Variants in XKR9 observed in about 807,000 individuals in gnomAD.
XKR9 encodes XK related 9.
A neutral mutation model predicts 32.0 loss-of-function variants in XKR9; 32 were observed. The ratio of observed to expected loss-of-function variants is 1.00; its 90% CI spans 0.76 to 1.34. XKR9 has a LOEUF of 1.34. XKR9 is among the 40% of genes most tolerant of loss of function. The probability of loss-of-function intolerance (pLI) is 0.00; values close to 1 mark genes in which losing one functional copy is unlikely to be tolerated. For missense variants in XKR9, 546 were observed against 429.7 expected, an observed-to-expected ratio of 1.27 and a Z score of -2.39; for synonymous variants, 168 against 143.4, an observed-to-expected ratio of 1.17 and a Z score of -1.22.
chr8:70,728,069 C>T (rs1178669775), intron 4 of XKR9, among the ~76,000 whole-genome samples: 2 of 152,022 alleles, frequency 1.3e-5, no homozygotes, highest in Non-Finnish European at 2.9e-5. Flanking sequence ...TTGGGAAAGG[C>T]CTGTTATCTT....
the XKR9 span, among the ~76,000 whole-genome samples, chr8:70,978,342 G>T: frequency 6.6e-6 from 1 of 152,128 alleles, no homozygotes; most frequent in African/African-American, 2.4e-5. Context: ...ATGGTCTTTA[G>T]AATTTGGCAT....
the XKR9 span, among the ~76,000 whole-genome samples, chr8:71,053,357 G>T: frequency 6.6e-6 from 1 of 152,188 alleles, no homozygotes; most frequent in African/African-American, 2.4e-5. Flanking sequence ...TCAGAAGGCT[G>T]CACAGGCCCT....
At chr8:70,857,345 C>A in the XKR9 span, among the ~76,000 whole-genome samples, 1 of 152,150 alleles carries the variant, frequency 6.6e-6, no homozygotes, top group Non-Finnish European at 1.5e-5. Flanking sequence ...ACTATAAACA[C>A]CTCTATGCAA....
chr8:70,740,979 A>G (rs1304001587), intron 2 of XKR9, among the ~76,000 whole-genome samples: 1 of 152,188 alleles, frequency 6.6e-6, no homozygotes, highest in African/African-American at 2.4e-5. Context: ...GGCTGGGAGA[A>G]CCACTGCTCT....
At chr8:70,852,817 G>C in the XKR9 span, among the ~76,000 whole-genome samples, 1 of 152,076 alleles carries the variant, frequency 6.6e-6, no homozygotes, top group African/African-American at 2.4e-5. Context: ...GTGGGAACAG[G>C]GAGGGGAAGA....
chr8:70,849,693 A>C, the XKR9 span, among the ~76,000 whole-genome samples: 1 of 152,190 alleles, frequency 6.6e-6, no homozygotes, highest in East Asian at 1.9e-4. Context: ...GGTTTCTTGA[A>C]AAGACTGACA....
intron 1 of XKR9, chr8:70,670,602 T>C (rs993421781): frequency 6.6e-6 from 1 of 152,098 alleles, no homozygotes; most frequent in Non-Finnish European, 1.5e-5. Context: ...AACGATCTGC[T>C]CTTACCTATT....
the XKR9 span, among the ~76,000 whole-genome samples, chr8:70,880,990 T>C: frequency 3.3e-5 from 5 of 152,304 alleles, no homozygotes; most frequent in South Asian, 2.1e-4. Context: ...ATCTGATCTT[T>C]GACAAACCTG....
chr8:70,976,722 G>A, the XKR9 span, among the ~76,000 whole-genome samples: 2 of 152,110 alleles, frequency 1.3e-5, no homozygotes, highest in African/African-American at 2.4e-5. Flanking sequence ...TCAGGATGAT[G>A]CTGGCCCCAT....
intron 2 of XKR9, among the ~76,000 whole-genome samples, chr8:70,745,657 T>C (rs1052561263): frequency 1.3e-5 from 2 of 152,238 alleles, no homozygotes; most frequent in Admixed American, 1.3e-4. Context: ...CCGTTGACTT[T>C]TGAAGGCTAT....
At chr8:71,037,089 T>A in the XKR9 span, among the ~76,000 whole-genome samples, 1 of 152,168 alleles carries the variant, frequency 6.6e-6, no homozygotes, top group African/African-American at 2.4e-5. Context: ...TCTTGTCAGG[T>A]GAGTTACCAG....
chr8:70,714,859 G>T (rs1039815607), intron 4 of XKR9, among the ~76,000 whole-genome samples: 5 of 151,960 alleles, frequency 3.3e-5, no homozygotes, highest in Non-Finnish European at 5.9e-5. Context: ...AATAAGTAAA[G>T]AATTAATAAG....
At chr8:71,035,131 A>G in the XKR9 span, among the ~76,000 whole-genome samples, 27 of 152,226 alleles carry the variant, frequency 1.8e-4, no homozygotes, top group African/African-American at 7.2e-5. Flanking sequence ...TGATATGAAT[A>G]TATTGAAACA....
At chr8:70,934,221 A>G in the XKR9 span, among the ~76,000 whole-genome samples, 1 of 152,036 alleles carries the variant, frequency 6.6e-6, no homozygotes, top group East Asian at 1.9e-4. Flanking sequence ...GTTGAAATGG[A>G]ATGCCAGGAA....
the XKR9 span, among the ~76,000 whole-genome samples, chr8:70,983,339 C>T: frequency 2.6e-5 from 4 of 152,074 alleles, no homozygotes; most frequent in Admixed American, 6.6e-5. Flanking sequence ...CATTCATAAC[C>T]GTCTGAACTT....
chr8:70,824,784 A>G, the XKR9 span, among the ~76,000 whole-genome samples: 1 of 151,978 alleles, frequency 6.6e-6, no homozygotes, highest in Non-Finnish European at 1.5e-5. Flanking sequence ...GAAGCAAGCT[A>G]TTTTATAGCT....
the XKR9 span, among the ~76,000 whole-genome samples, chr8:70,906,798 T>C: frequency 6.6e-6 from 1 of 152,204 alleles, no homozygotes; most frequent in Non-Finnish European, 1.5e-5. Flanking sequence ...AAATGATGTG[T>C]CCTTTTCTAC....
downstream of XKR9, among the ~76,000 whole-genome samples, chr8:70,740,541 C>T (rs1243064613): frequency 6.6e-6 from 1 of 151,636 alleles, no homozygotes; most frequent in Non-Finnish European, 1.5e-5. Context: ...GAGAGGTGCT[C>T]TGCTTTTTAG....
the XKR9 span, among the ~76,000 whole-genome samples, chr8:70,935,771 G>T: frequency 2.0e-5 from 3 of 152,006 alleles, no homozygotes; most frequent in African/African-American, 7.2e-5. Context: ...AACTACTTCT[G>T]CAAGGGAGTG....
Sources: allele counts gnomAD v4.1 joint callset (sites outside exome capture counted in the v4.1 genomes callset), GRCh38; gene constraint gnomAD v4.1.1; transcripts MANE v1.5; gene names NCBI Gene and HGNC (gene_info 2026-07-23, HGNC 2026-07-21).